The following CHST11 variants were observed in gnomAD, a reference collection of about 807,000 sequenced individuals.
CHST11 encodes the protein carbohydrate sulfotransferase 11, also known as C4S-1.
Under a neutral mutation model 30.4 loss-of-function variants are expected in CHST11, and 9 were observed. The observed-to-expected ratio is 0.30, with a 90% confidence interval of 0.18 to 0.52. The LOEUF (loss-of-function observed/expected upper bound fraction) is 0.52. Ranked by LOEUF, CHST11 falls within the 20% of genes least tolerant of loss-of-function variation. The probability of loss-of-function intolerance (pLI) is 0.97; values close to 1 mark genes in which losing one functional copy is unlikely to be tolerated. For missense variants in CHST11, 348 were observed against 460.6 expected (o/e 0.76, Z 2.24); for synonymous variants, 152 against 187.8 (o/e 0.81, Z 1.56).
intron 1 of CHST11, among the ~76,000 whole-genome samples, chr12:104,508,238 G>A (rs997159048): frequency 6.6e-6 from 1 of 152,014 alleles, no homozygotes; most frequent in Admixed American, 6.6e-5. Flanking sequence ...CTCAGCTCTG[G>A]GGTCAGACTG....
chr12:104,532,830 G>T (rs1383546860), intron 1 of CHST11, among the ~76,000 whole-genome samples: 1 of 151,962 alleles, frequency 6.6e-6, no homozygotes. Context: ...CCCCACCCCA[G>T]ACAGTGGCCC....
intron 2 of CHST11, among the ~76,000 whole-genome samples, chr12:104,739,143 G>C (rs1157113227): frequency 6.6e-6 from 1 of 152,240 alleles, no homozygotes; most frequent in South Asian, 2.1e-4. Context: ...CGGGTAGTGG[G>C]TGCGGGCAAG....
chr12:104,637,859 C>G (rs754102977), intron 2 of CHST11, among the ~76,000 whole-genome samples: 1 of 152,110 alleles, frequency 6.6e-6, no homozygotes, highest in Non-Finnish European at 1.5e-5. Flanking sequence ...CTCCCTTTGC[C>G]GCACCCCCCC....
intron 2 of CHST11, among the ~76,000 whole-genome samples, chr12:104,696,482 CAAAAA>C (rs10602668): frequency 7.2e-5 from 5 of 69,140 alleles, no homozygotes; most frequent in Admixed American, 2.1e-4. Flanking sequence ...GCTAAAAATA[CAAAAA>C]AAAAAAAAAA....
chr12:104,571,297 G>A (rs933654278), intron 1 of CHST11, among the ~76,000 whole-genome samples: 6 of 151,924 alleles, frequency 3.9e-5, no homozygotes, highest in East Asian at 1.9e-4. Context: ...CCAAGTAGCC[G>A]GGATTACTGG....
At chr12:104,620,843 G>A (rs1324150633) in intron 2 of CHST11, among the ~76,000 whole-genome samples, 1 of 152,166 alleles carries the variant, frequency 6.6e-6, no homozygotes, top group Non-Finnish European at 1.5e-5. Flanking sequence ...TAAAAACCAG[G>A]AGCTAGGAGA....
At chr12:104,741,594 G>A (rs1209589009) in intron 2 of CHST11, among the ~76,000 whole-genome samples, 2 of 152,142 alleles carry the variant, frequency 1.3e-5, no homozygotes, top group Middle Eastern at 3.2e-3. Context: ...CCAGAAAATT[G>A]CTCTTCAGAC....
At chr12:104,593,551 A>G (rs1443176960) in intron 1 of CHST11, among the ~76,000 whole-genome samples, 3 of 152,116 alleles carry the variant, frequency 2.0e-5, no homozygotes, top group Non-Finnish European at 2.9e-5. Flanking sequence ...TGGTGGGAGG[A>G]TATCGGGTCA....
chr12:104,742,991 A>AG (rs2040359418), intron 2 of CHST11, among the ~76,000 whole-genome samples: 1 of 152,206 alleles, frequency 6.6e-6, no homozygotes, highest in Admixed American at 6.5e-5. Context: ...CCAGAAGATG[A>AG]GGTGGGGGCT....
intron 2 of CHST11, among the ~76,000 whole-genome samples, chr12:104,623,668 C>T (rs1012974631): frequency 1.3e-5 from 2 of 151,996 alleles, no homozygotes; most frequent in Admixed American, 6.6e-5. Context: ...CGAGATCGCG[C>T]CACTGTCACC....
intron 1 of CHST11, among the ~76,000 whole-genome samples, chr12:104,496,184 T>C (rs763365451): frequency 1.3e-4 from 20 of 152,236 alleles, no homozygotes; most frequent in South Asian, 4.1e-4. Flanking sequence ...GTTTGGTTTC[T>C]ATTCCAAATC....
chr12:104,646,955 G>A (rs2039439111), intron 2 of CHST11, among the ~76,000 whole-genome samples: 1 of 152,204 alleles, frequency 6.6e-6, no homozygotes, highest in African/African-American at 2.4e-5. Context: ...AGTACCTGCT[G>A]TCAGACCAGC....
rs149882020 is a variant in CHST11, at chr12:104,481,311, G to A, written c.118+23782G>A. 7.6e-3 allele frequency among the ~76,000 whole-genome samples: 1,163 copies of A among 152,232 alleles called. 18 individuals are homozygous for A. Among genetic ancestry groups the A allele is most frequent in the African/African-American group, 0.027 (1,115 of 41,522 alleles). Reference sequence around the variant, plus strand: ...GAGCACCACACTCTTGCCACGTCACGAATTTTGCACTTGCCGTTCCCTGTG... The same window carrying A: ...GAGCACCACACTCTTGCCACGTCACAAATTTTGCACTTGCCGTTCCCTGTG... On this transcript the variant is annotated intron_variant, in intron 1 of 2. Coordinates refer to ENST00000303694, the MANE Select transcript of CHST11 (RefSeq NM_018413.6).
chr12:104,663,000 T>G (rs2039610934), intron 2 of CHST11, among the ~76,000 whole-genome samples: 1 of 152,234 alleles, frequency 6.6e-6, no homozygotes, highest in African/African-American at 2.4e-5. Flanking sequence ...TTAATGTGAT[T>G]TGGTTTGTAC....
intron 1 of CHST11, among the ~76,000 whole-genome samples, chr12:104,468,290 A>G (rs1254424183): frequency 6.6e-6 from 1 of 152,104 alleles, no homozygotes; most frequent in African/African-American, 2.4e-5. Flanking sequence ...TATTTATTGG[A>G]TATTATTTAC....
chr12:104,739,370 C>T (rs1201580022), intron 2 of CHST11, among the ~76,000 whole-genome samples: 1 of 152,240 alleles, frequency 6.6e-6, no homozygotes, highest in Admixed American at 6.5e-5. Flanking sequence ...AGTGACTTCT[C>T]TCGGCCAGTG....
chr12:104,572,117 A>G (rs1237042479), intron 1 of CHST11, among the ~76,000 whole-genome samples: 2 of 151,984 alleles, frequency 1.3e-5, no homozygotes, highest in African/African-American at 2.4e-5. Flanking sequence ...TCGGTTTGCC[A>G]GTATTTTATT....
At chr12:104,702,197 A>C (rs2039995192) in intron 2 of CHST11, among the ~76,000 whole-genome samples, 1 of 152,244 alleles carries the variant, frequency 6.6e-6, no homozygotes, top group Admixed American at 6.5e-5. Context: ...TCCATTGCCC[A>C]TTTCAAAGAA....
chr12:104,753,820 A>G (rs544884245), intron 2 of CHST11, among the ~76,000 whole-genome samples: 1 of 152,360 alleles, frequency 6.6e-6, no homozygotes, highest in Admixed American at 6.5e-5. Context: ...AGGAAGAAAT[A>G]ATACTGATTG....
Sources: allele counts gnomAD v4.1 joint callset (sites outside exome capture counted in the v4.1 genomes callset), GRCh38; gene constraint gnomAD v4.1.1; transcripts MANE v1.5; gene names NCBI Gene and HGNC (gene_info 2026-07-23, HGNC 2026-07-21).